Variants in SYTL3 observed in about 807,000 individuals in gnomAD.
SYTL3 encodes synaptotagmin like 3.
A neutral mutation model predicts 82.1 loss-of-function variants in SYTL3; 88 were observed. The observed-to-expected ratio is 1.07, with a 90% CI of 0.90 to 1.28. SYTL3 has a LOEUF of 1.28. Ranked by LOEUF, SYTL3 falls within the 50% of genes most tolerant of loss-of-function variation. The pLI, the probability that SYTL3 is intolerant of heterozygous loss-of-function variation, is 0.00. For missense variants in SYTL3, 831 were observed against 757.6 expected (o/e 1.10, Z -1.14); for synonymous variants, 311 against 289.4 (o/e 1.07, Z -0.76).
At chr6:158,676,163 G>C (rs1163912884) in intron 5 of SYTL3, among the ~76,000 whole-genome samples, 4 of 152,122 alleles carry the variant, frequency 2.6e-5, no homozygotes, top group African/African-American at 9.7e-5. Flanking sequence ...TATACTACAA[G>C]GCTACAGTAA....
intron 6 of SYTL3, among the ~76,000 whole-genome samples, chr6:158,701,884 C>T (rs1781347310): frequency 1.3e-5 from 2 of 152,012 alleles, no homozygotes; most frequent in South Asian, 4.1e-4. Flanking sequence ...TGGGTCTCAG[C>T]AATTACCCCA....
At chr6:158,652,594 GAGTGCAATGGCGCGATCTCAGCTC>G (rs1788159353) in intron 2 of SYTL3, among the ~76,000 whole-genome samples, 2 of 151,952 alleles carry the variant, frequency 1.3e-5, no homozygotes, top group Admixed American at 1.3e-4. Context: ...ACCCAGGCTG[GAGTGCAATGGCGCGATCTCAGCTC>G]ACTGCAACCT....
intron 5 of SYTL3, among the ~76,000 whole-genome samples, chr6:158,666,611 A>C (rs1438719664): frequency 6.6e-6 from 1 of 152,194 alleles, no homozygotes; most frequent in East Asian, 1.9e-4. Flanking sequence ...GTCATCAGAG[A>C]CCCTGAGATT....
rs118086173 is a variant in SYTL3, at chr6:158,682,965, C to T, written c.370C>T (p.Arg124Ter). Residue 124 changes from arginine to a stop codon, truncating the protein, a stop_gained, in exon 6 of 18, where the codon CGA (arginine) becomes TGA (stop). Coordinates refer to ENST00000611299, the MANE Select transcript of SYTL3 (RefSeq NM_001242394.2). LOFTEE classifies it high-confidence loss of function. ...AACTGGAGAATGGTTCTATGAGGAA[C>T]GAGCCAAGAAATTTCCAACTGGAGG... is the stretch of plus-strand genomic sequence containing the variant. ...IKTGEWFYEE[R>*]AKKFPTGGKH... 8.4e-5 allele frequency: 135 copies of T among 1,613,058 alleles called. No individual in the cohort carries two copies. The East Asian group carries it at 1.7e-3, about 21-fold the overall frequency.
chr6:158,665,526 G>A lies in SYTL3; in HGVS notation c.242G>A (p.Arg81Gln), dbSNP rs758165495. Residue 81 changes from arginine (R) to glutamine (Q), a missense_variant, in exon 5 of 18, where the codon CGG (arginine) becomes CAG (glutamine). Arg to Gln is a conservative substitution (Grantham distance 43). Coordinates refer to ENST00000611299, the MANE Select transcript of SYTL3 (RefSeq NM_001242394.2). ...CTGCTGCACCGGGGCGCCGTGTGCC[G>A]GGGCTGCAGCCACCGCGTGTGTGCC... ...GFLLHRGAVCRGCSHRVCAQC... is the reference protein window; with the variant it reads ...GFLLHRGAVCQGCSHRVCAQC... 11 of 1,591,516 alleles carry A rather than the reference G, an allele frequency of 6.9e-6. No individual in the cohort carries two copies. The highest frequency in any genetic ancestry group is 4.0e-5 in the African/African-American group (3 of 74,726).
intron 15 of SYTL3, among the ~76,000 whole-genome samples, chr6:158,761,427 C>T (rs1328765256): frequency 3.3e-5 from 5 of 151,390 alleles, no homozygotes; most frequent in Admixed American, 2.0e-4. Context: ...CTCAGCCTCC[C>T]GAGTACCTGG....
intron 5 of SYTL3, among the ~76,000 whole-genome samples, chr6:158,672,561 T>TTC (rs1777520292): frequency 6.6e-6 from 1 of 151,678 alleles, no homozygotes; most frequent in Admixed American, 6.6e-5. Context: ...TGTTTCTTTT[T>TTC]TTTTTTTTTG....
chr6:158,726,021 C>T (rs1784684723), intron 11 of SYTL3: 1 of 633,222 alleles, frequency 1.6e-6, no homozygotes, highest in African/African-American at 1.8e-5. Flanking sequence ...GTGTCGCAGT[C>T]CACGTGTGTG....
chr6:158,645,580 A>G (rs1224252479), upstream of SYTL3, among the ~76,000 whole-genome samples: 1 of 152,142 alleles, frequency 6.6e-6, no homozygotes, highest in East Asian at 1.9e-4. Context: ...GATTTGGTAG[A>G]CCTAAACTTC....
At chr6:158,688,142 A>G (rs924016346) in intron 6 of SYTL3, among the ~76,000 whole-genome samples, 1 of 152,218 alleles carries the variant, frequency 6.6e-6, no homozygotes, top group Admixed American at 6.5e-5. Context: ...AATACACCAA[A>G]TATATGCACT....
At chr6:158,671,397 C>T (rs1220173365) in intron 5 of SYTL3, among the ~76,000 whole-genome samples, 1 of 152,030 alleles carries the variant, frequency 6.6e-6, no homozygotes, top group African/African-American at 2.4e-5. Flanking sequence ...GGAGGGGAGC[C>T]CCAAGAGAGT....
Position 158,757,579 on chromosome 6 carries a change from A to G in SYTL3, c.1308+198A>G, listed in dbSNP as rs112468358. On this transcript the variant is annotated intron_variant, in intron 14 of 17. Coordinates refer to ENST00000611299, the MANE Select transcript of SYTL3 (RefSeq NM_001242394.2). ...GCGGAGGGTTTGTTTTAACTGGCTC[A>G]GCTCTGTTCAGGTACCCGAACAGCC... Among the ~76,000 whole-genome samples, 220 of 146,748 alleles carry G rather than the reference A, an allele frequency of 1.5e-3. 1 individual carries two copies. Among genetic ancestry groups the G allele is most frequent in the African/African-American group, 5.4e-3 (216 of 39,806 alleles).
intron 10 of SYTL3, among the ~76,000 whole-genome samples, chr6:158,724,136 GTC>G (rs1784438701): frequency 6.6e-6 from 1 of 152,196 alleles, no homozygotes; most frequent in Non-Finnish European, 1.5e-5. Flanking sequence ...TTTGAATGGT[GTC>G]TCTGTCTTCC....
rs556816211 is a variant in SYTL3 at position 158,707,994 on chromosome 6, G to A, written c.447-328G>A. 5.2e-4 allele frequency among the ~76,000 whole-genome samples: 79 copies of A among 152,258 alleles called. 4 individuals carry two copies. The South Asian group carries it at 0.015, about 28-fold the overall frequency. ...GGTGTGGTTTGTGCTAAGAGAACACGGGAGCGCAGATGGGAACCAGGGGTT... is the reference window on the plus strand; with the variant it reads ...GGTGTGGTTTGTGCTAAGAGAACACAGGAGCGCAGATGGGAACCAGGGGTT... On this transcript the variant is annotated intron_variant, in intron 7 of 17. Transcript: ENST00000611299.
intron 2 of SYTL3, among the ~76,000 whole-genome samples, chr6:158,654,544 T>C (rs1788440312): frequency 6.6e-6 from 1 of 152,172 alleles, no homozygotes; most frequent in African/African-American, 2.4e-5. Context: ...CTTCCTACTC[T>C]TGGGCCTTCC....
At chr6:158,710,538 A>G (rs545482812) in intron 8 of SYTL3, among the ~76,000 whole-genome samples, 23 of 152,288 alleles carry the variant, frequency 1.5e-4, no homozygotes, top group Admixed American at 3.9e-4. Context: ...TGCATAACAC[A>G]AATTAAAACT....
Position 158,763,459 on chromosome 6 carries a change from C to A in SYTL3, c.1673C>A (p.Ala558Asp). The A allele has an allele frequency of 3.7e-6, 6 of 1,614,158 alleles. No individual in the cohort carries two copies. Among genetic ancestry groups the A allele is most frequent in the Non-Finnish European group, 5.1e-6 (6 of 1,180,026 alleles). Residue 558 changes from alanine (A) to aspartate (D), a missense_variant, in exon 17 of 18, where the codon GCC becomes GAC. Transcript: ENST00000611299. The part of the protein sequence containing the change: ...SSLELTVWDQ[A>D]LFGMNDRLLG... Reference sequence around the variant, plus strand: ...TTGGAGTTAACTGTCTGGGATCAGGCCCTCTTTGGAATGAACGACCGCTTG... The same window carrying A: ...TTGGAGTTAACTGTCTGGGATCAGGACCTCTTTGGAATGAACGACCGCTTG...
intron 6 of SYTL3, among the ~76,000 whole-genome samples, chr6:158,694,997 T>C (rs1216400745): frequency 6.6e-6 from 1 of 152,240 alleles, no homozygotes; most frequent in African/African-American, 2.4e-5. Flanking sequence ...GTCAATATTT[T>C]ATTTTACTAA....
chr6:158,731,540 A>G (rs1171743272), intron 11 of SYTL3, among the ~76,000 whole-genome samples: 4 of 151,926 alleles, frequency 2.6e-5, no homozygotes, highest in Non-Finnish European at 5.9e-5. Flanking sequence ...CCATTGTTCC[A>G]AAGTTATCTC....
Sources: allele counts gnomAD v4.1 joint callset (sites outside exome capture counted in the v4.1 genomes callset), GRCh38; gene constraint gnomAD v4.1.1; transcripts MANE v1.5; gene names NCBI Gene and HGNC (gene_info 2026-07-23, HGNC 2026-07-21).